DAPP1: variants seen among roughly 807,000 people sequenced by gnomAD.
DAPP1 encodes the protein dual adaptor of phosphotyrosine and 3-phosphoinositides 1, also known as dual adapter for phosphotyrosine and 3-phosphotyrosine and 3-phosphoinositide.
In DAPP1, 20 loss-of-function variants were observed where a neutral mutation model predicts 41.5. That is an observed-to-expected ratio of 0.48 (90% confidence interval 0.34 to 0.70). The LOEUF is 0.70. DAPP1 is among the 30% of genes least tolerant of loss of function. The pLI is 0.01. For synonymous variants in DAPP1, 113 were observed against 116.2 expected (o/e 0.97, Z 0.18); for missense variants, 233 against 333.4 (o/e 0.70, Z 2.35).
chr4:99,821,105 A>C (rs563772988), intron 1 of DAPP1, among the ~76,000 whole-genome samples: 2 of 152,344 alleles, frequency 1.3e-5, no homozygotes, highest in Non-Finnish European at 2.9e-5. Context: ...CAGAAAAATC[A>C]GGTTGCCTAC....
At chr4:99,826,181 A>G (rs1722930588) in intron 1 of DAPP1, among the ~76,000 whole-genome samples, 1 of 152,252 alleles carries the variant, frequency 6.6e-6, no homozygotes, top group South Asian at 2.1e-4. Flanking sequence ...TCAGCAAGAA[A>G]GACACATCAA....
chr4:99,829,570 C>T (rs1723051908), intron 1 of DAPP1, among the ~76,000 whole-genome samples: 1 of 151,966 alleles, frequency 6.6e-6, no homozygotes, highest in South Asian at 2.1e-4. Flanking sequence ...CAGGGGGTCA[C>T]ATAGTGAATA....
intron 1 of DAPP1, among the ~76,000 whole-genome samples, chr4:99,830,968 A>G (rs750671672): frequency 5.3e-5 from 8 of 152,044 alleles, no homozygotes; most frequent in Non-Finnish European, 8.8e-5. Context: ...ACTAATATAG[A>G]AATCTATTTT....
At chr4:99,824,874 C>T (rs1245321339) in intron 1 of DAPP1, among the ~76,000 whole-genome samples, 2 of 152,042 alleles carry the variant, frequency 1.3e-5, no homozygotes, top group Non-Finnish European at 2.9e-5. Flanking sequence ...CTTTTTTGGT[C>T]TTGCAGCCAT....
intron 3 of DAPP1, among the ~76,000 whole-genome samples, chr4:99,848,814 T>C (rs1210868822): frequency 6.6e-6 from 1 of 152,134 alleles, no homozygotes; most frequent in Non-Finnish European, 1.5e-5. Context: ...AGCAATTAAG[T>C]GGATCCCCAA....
At chr4:99,842,842 A>T (rs1001202121) in intron 3 of DAPP1, among the ~76,000 whole-genome samples, 5 of 147,858 alleles carry the variant, frequency 3.4e-5, no homozygotes, top group Non-Finnish European at 7.4e-5. Context: ...TGAAGTACAG[A>T]TATTTCTTTC....
At chr4:99,826,570 T>C (rs1309659699) in intron 1 of DAPP1, among the ~76,000 whole-genome samples, 1 of 152,252 alleles carries the variant, frequency 6.6e-6, no homozygotes, top group East Asian at 1.9e-4. Context: ...AGAAATATAC[T>C]ATCTAAATGG....
chr4:99,871,057 C>T (rs565425174), downstream of DAPP1, among the ~76,000 whole-genome samples: 2 of 152,282 alleles, frequency 1.3e-5, no homozygotes, highest in Admixed American at 6.5e-5. Context: ...TCAGAGAACT[C>T]GGTGGGGCAG....
chr4:99,851,412 T>G (rs894316332), intron 3 of DAPP1, among the ~76,000 whole-genome samples: 1 of 152,122 alleles, frequency 6.6e-6, no homozygotes, highest in African/African-American at 2.4e-5. Context: ...CTGGCTTTTC[T>G]CAACAGCTTT....
intron 1 of DAPP1, among the ~76,000 whole-genome samples, chr4:99,824,408 A>G (rs764780725): frequency 6.6e-6 from 1 of 152,172 alleles, no homozygotes; most frequent in Non-Finnish European, 1.5e-5. Context: ...TCACTTTCAG[A>G]CTCACTCAGT....
intron 7 of DAPP1, chr4:99,865,424 G>A (rs931568648): frequency 6.6e-6 from 1 of 152,162 alleles, no homozygotes; most frequent in Non-Finnish European, 1.5e-5. Context: ...CTTATTCCCT[G>A]CAGCAGAGAC....
chr4:99,860,744 T>A (rs1378434212), intron 4 of DAPP1, among the ~76,000 whole-genome samples: 1 of 152,222 alleles, frequency 6.6e-6, no homozygotes, highest in Non-Finnish European at 1.5e-5. Flanking sequence ...TTAATTTTGT[T>A]TCTTACTAAG....
At chr4:99,833,101 T>G (rs1483279621) in intron 1 of DAPP1, among the ~76,000 whole-genome samples, 1 of 152,250 alleles carries the variant, frequency 6.6e-6, no homozygotes, top group Non-Finnish European at 1.5e-5. Flanking sequence ...AAAATATATC[T>G]AAGTTTTTAT....
At chr4:99,859,498 A>T (rs1724164027) in intron 4 of DAPP1, among the ~76,000 whole-genome samples, 1 of 152,156 alleles carries the variant, frequency 6.6e-6, no homozygotes, top group African/African-American at 2.4e-5. Flanking sequence ...TTATCTGTCG[A>T]TTCATTCATC....
At chr4:99,819,611 A>G (rs1198935882) in intron 1 of DAPP1, among the ~76,000 whole-genome samples, 1 of 152,142 alleles carries the variant, frequency 6.6e-6, no homozygotes, top group Non-Finnish European at 1.5e-5. Context: ...AAACCTTCTG[A>G]TTAATTTAGT....
chr4:99,827,447 G>T (rs996444096), intron 1 of DAPP1, among the ~76,000 whole-genome samples: 59 of 151,628 alleles, frequency 3.9e-4, no homozygotes, highest in African/African-American at 1.4e-3. Context: ...GCAGGAGAAT[G>T]GCGTGAACCC....
At chr4:99,840,575 TCTCAGAATGTGTTA>T (rs1161723360) in intron 3 of DAPP1, among the ~76,000 whole-genome samples, 153 bp downstream of exon 3, 1 of 152,238 alleles carries the variant, frequency 6.6e-6, no homozygotes, top group Non-Finnish European at 1.5e-5. Context: ...GTAGATATTT[TCTCAGAATGTGTTA>T]CTTAATGGAT....
chr4:99,843,191 A>T (rs994395435), intron 3 of DAPP1, among the ~76,000 whole-genome samples: 1 of 152,200 alleles, frequency 6.6e-6, no homozygotes, highest in Non-Finnish European at 1.5e-5. Flanking sequence ...TAATACATTT[A>T]TCTACTGGCA....
chr4:99,843,269 T>G (rs1723555355), intron 3 of DAPP1, among the ~76,000 whole-genome samples: 1 of 152,262 alleles, frequency 6.6e-6, no homozygotes, highest in South Asian at 2.1e-4. Context: ...ACTTTTGCCT[T>G]GCAGTTATAT....
Sources: gnomAD v4.1 joint callset for allele counts (sites outside exome capture counted in the v4.1 genomes callset) on GRCh38, gnomAD v4.1.1 for gene constraint, MANE v1.5 for transcripts, NCBI Gene and HGNC (gene_info 2026-07-23, HGNC 2026-07-21) for gene names.